The following WDR86 variants were observed in gnomAD, a reference collection of about 807,000 sequenced individuals.
The protein encoded by WDR86 is WD repeat domain 86.
WDR86 carries 30 observed loss-of-function variants against 36.5 expected under a neutral mutation model. That is an observed-to-expected ratio of 0.82 (90% CI 0.61 to 1.11). The LOEUF is 1.11. WDR86 is among the 50% of genes most tolerant of loss of function. The probability of loss-of-function intolerance (pLI) is 0.00; values close to 1 mark genes in which losing one functional copy is unlikely to be tolerated. For missense variants in WDR86, 545 were observed against 561.2 expected, an observed-to-expected ratio of 0.97 and a Z score of 0.29; for synonymous variants, 255 against 252.9, an observed-to-expected ratio of 1.01 and a Z score of -0.08.
chr7:151,385,115 T>G lies in WDR86; in HGVS notation c.835A>C (p.Ser279Arg), dbSNP rs1798869795. The G allele has an allele frequency of 6.2e-7, 1 of 1,610,516 alleles. No homozygotes were observed. Among genetic ancestry groups the G allele is most frequent in the Admixed American group, 1.7e-5 (1 of 59,914 alleles). ...RTFTAHRRNV[S>R]ALKYHAGTLF... The stretch of plus-strand genomic sequence containing the variant: ...GTGCCCGCGTGGTACTTGAGGGCGC[T>G]CACGTTGCGTCTGTGGGCCGTGAAC... The change falls in exon 4 of 6, where the codon AGC becomes CGC. Residue 279 changes from serine to arginine, a missense_variant. Coordinates refer to ENST00000334493, the MANE Select transcript of WDR86 (RefSeq NM_198285.3).
intron 1 of WDR86, among the ~76,000 whole-genome samples, chr7:151,402,539 G>A (rs1193397155): frequency 6.6e-6 from 1 of 152,224 alleles, no homozygotes; most frequent in East Asian, 1.9e-4. Context: ...AGAGAAGCCT[G>A]AGCACTGGAG....
intron 1 of WDR86, chr7:151,408,643 A>C (rs1800922841): frequency 3.3e-6 from 1 of 298,536 alleles, no homozygotes; most frequent in South Asian, 3.2e-5. Flanking sequence ...TACCCACAGC[A>C]GAAAGCCTCG....
chr7:151,408,743 G>A (rs915686158), intron 1 of WDR86: 5 of 387,354 alleles, frequency 1.3e-5, no homozygotes, highest in Non-Finnish European at 2.7e-5. Flanking sequence ...AGGCCCAGGG[G>A]AAGGTGCACC....
At chr7:151,394,066 G>C (rs1799631425) in intron 3 of WDR86, among the ~76,000 whole-genome samples, 1 of 152,168 alleles carries the variant, frequency 6.6e-6, no homozygotes, top group Non-Finnish European at 1.5e-5. Context: ...TGAGGCCAAG[G>C]GAAACCTGTG....
At chr7:151,393,444 G>A (rs2150796875) in intron 3 of WDR86, among the ~76,000 whole-genome samples, 1 of 152,240 alleles carries the variant, frequency 6.6e-6, no homozygotes, top group African/African-American at 2.4e-5. Context: ...CGAACCCGGG[G>A]AATCCTGCCA....
chr7:151,398,891 T>A (rs1487394740), intron 2 of WDR86, among the ~76,000 whole-genome samples: 1 of 152,200 alleles, frequency 6.6e-6, no homozygotes, highest in Admixed American at 6.5e-5. Context: ...TTGCAGCCTC[T>A]GCCTGACTCA....
At chr7:151,400,039 C>A (rs1800166523) in intron 2 of WDR86, 61 bp downstream of exon 2, 7 of 1,449,438 alleles carry the variant, frequency 4.8e-6, no homozygotes, top group Admixed American at 2.5e-5. Flanking sequence ...TCTCTGACCC[C>A]TCAGCCCCAC....
chr7:151,399,724 G>A (rs1563061722), intron 2 of WDR86, among the ~76,000 whole-genome samples: 1 of 152,238 alleles, frequency 6.6e-6, no homozygotes, highest in Non-Finnish European at 1.5e-5. Context: ...TCCTCCTCCT[G>A]CAAACCTTTG....
chr7:151,402,547 G>A (rs1800418641), intron 1 of WDR86, among the ~76,000 whole-genome samples: 1 of 152,226 alleles, frequency 6.6e-6, no homozygotes, highest in African/African-American at 2.4e-5. Context: ...CTGAGCACTG[G>A]AGACCAGGAA....
intron 4 of WDR86, among the ~76,000 whole-genome samples, chr7:151,384,611 A>G (rs923340142): frequency 3.3e-5 from 5 of 152,186 alleles, no homozygotes; most frequent in African/African-American, 4.8e-5. Context: ...TTGTGGAGCC[A>G]CCCATTCCAG....
chr7:151,378,586 A>G (rs543267103), downstream of WDR86: 1 of 152,342 alleles, frequency 6.6e-6, no homozygotes. Flanking sequence ...TGGAAGGATG[A>G]TCTCAGAAGC....
downstream of WDR86, chr7:151,374,169 G>C (rs1399221234): frequency 2.5e-6 from 4 of 1,576,786 alleles, no homozygotes; most frequent in Non-Finnish European, 3.4e-6. Context: ...GTTTCTGAAA[G>C]GGATGGGCTA....
At chr7:151,403,692 A>G (rs1211279735) in intron 1 of WDR86, among the ~76,000 whole-genome samples, 1 of 152,252 alleles carries the variant, frequency 6.6e-6, no homozygotes, top group African/African-American at 2.4e-5. Context: ...TGTCGGCTTA[A>G]ACATTGAGGG....
chr7:151,381,921 C>G lies in WDR86; in HGVS notation c.923G>C (p.Arg308Pro), dbSNP rs1168476941. The G allele has an allele frequency of 6.2e-7, 1 of 1,610,472 alleles. No individual in the cohort carries two copies. The highest frequency in any genetic ancestry group is 8.5e-7 in the Non-Finnish European group (1 of 1,178,886). ...RAFDAQSGELRRVFRGHTFII... is the reference protein window; with the variant it reads ...RAFDAQSGELPRVFRGHTFII... ...GAATGTGTGGCCCCGGAACACCCTC[C>G]GCAGCTCTCCAGACTGCGCGTCGAA... is the stretch of plus-strand genomic sequence containing the variant. The change falls in exon 5 of 6, where the codon CGG (arginine) becomes CCG (proline). Residue 308 changes from arginine (R) to proline (P), a missense_variant. By Grantham distance (103) the Arg-to-Pro change is moderately radical. Transcript: ENST00000334493. The surrounding 1 kb of genome is among the most constrained non-coding windows in gnomAD (Gnocchi z 4.8).
Position 151,381,975 on chromosome 7 carries a change from G to C in WDR86, c.869C>G (p.Thr290Arg). 1 of 1,601,674 alleles carries C rather than the reference G, an allele frequency of 6.2e-7. No homozygotes were observed. Among genetic ancestry groups the C allele is most frequent in the South Asian group, 1.1e-5 (1 of 89,228 alleles). Residue 290 changes from threonine (T) to arginine (R), a missense_variant, in exon 5 of 6, where the codon ACG (threonine) becomes AGG (arginine). Physicochemically the swap from Thr to Arg is moderately conservative, Grantham distance 71. Transcript: ENST00000334493. The surrounding 1 kb of genome is among the most constrained non-coding windows in gnomAD (Gnocchi z 4.8). ...CCGGGCGCAAGCGTCCCCGCTGCCC[G>C]TGAACACTGCGGACACACAGCGCGC... ...ALKYHAGTLF[T>R]GSGDACARAF...
At position 151,400,259 on chromosome 7, in the gene WDR86, G is replaced by A. The variant is rs77550133; in HGVS notation, c.164-18C>T. The A allele has an allele frequency of 3.3e-3, 5,159 of 1,578,732 alleles. 155 individuals are homozygous for A. In the African/African-American group the frequency reaches 0.062, roughly 19 times the overall value. ...TTCATGTCCTGCAGATGAGGGACAG[G>A]GGAGATGTGAGCGTACTGGGGATGC... On this transcript the variant is annotated intron_variant, in intron 1 of 5. Transcript: ENST00000334493.
intron 3 of WDR86, among the ~76,000 whole-genome samples, 165 bp downstream of exon 3, chr7:151,395,611 C>T (rs763302692): frequency 2.0e-5 from 3 of 152,170 alleles, no homozygotes; most frequent in Non-Finnish European, 4.4e-5. Context: ...GACCCCTTAT[C>T]TTGGATTCCC....
intron 3 of WDR86, among the ~76,000 whole-genome samples, chr7:151,392,349 C>A (rs138416751): frequency 1.3e-5 from 2 of 152,100 alleles, no homozygotes; most frequent in Admixed American, 6.5e-5. Flanking sequence ...CCACCCACCA[C>A]TGACTCCTCA....
chr7:151,376,941 G>A (rs114412640), downstream of WDR86: 3 of 1,416,510 alleles, frequency 2.1e-6, no homozygotes, highest in Non-Finnish European at 2.8e-6. Flanking sequence ...CGGCCACCTG[G>A]ACAGTGTGGC....
Sources: gnomAD v4.1 joint callset for allele counts (sites outside exome capture counted in the v4.1 genomes callset) on GRCh38, gnomAD v4.1.1 for gene constraint, Gnocchi (gnomAD v3.1) non-coding constraint, MANE v1.5 for transcripts, NCBI Gene and HGNC (gene_info 2026-07-23, HGNC 2026-07-21) for gene names.